The following KCNIP4 variants were observed in gnomAD, a reference collection of about 807,000 sequenced individuals.
The protein encoded by KCNIP4 is Kv channel-interacting protein 4.
KCNIP4 carries 12 observed loss-of-function variants against 34.0 expected under a neutral mutation model. The ratio of observed to expected loss-of-function variants is 0.35; its 90% CI spans 0.23 to 0.57. The LOEUF (loss-of-function observed/expected upper bound fraction) is 0.57. Ranked by LOEUF, KCNIP4 falls within the 20% of genes least tolerant of loss-of-function variation. The pLI is 0.83. For synonymous variants in KCNIP4, 124 were observed against 102.2 expected (o/e 1.21, Z -1.29); for missense variants, 238 against 311.7 (o/e 0.76, Z 1.78).
intron 1 of KCNIP4, among the ~76,000 whole-genome samples, chr4:21,367,247 A>T (rs1165981115): frequency 6.6e-6 from 1 of 152,188 alleles, no homozygotes; most frequent in Non-Finnish European, 1.5e-5. Context: ...GAATAGACTA[A>T]GACAAAATCT....
intron 1 of KCNIP4, among the ~76,000 whole-genome samples, chr4:21,697,176 C>G (rs1259184466): frequency 6.6e-6 from 1 of 151,978 alleles, no homozygotes; most frequent in Non-Finnish European, 1.5e-5. Context: ...CCCAAAAGAG[C>G]TGCACTGCAC....
chr4:21,041,258 A>ACG (rs1741937053), intron 1 of KCNIP4, among the ~76,000 whole-genome samples: 1 of 151,894 alleles, frequency 6.6e-6, no homozygotes, highest in Non-Finnish European at 1.5e-5. Flanking sequence ...ACACACACAC[A>ACG]CACACACGCA....
chr4:20,895,261 T>G (rs1007334358), intron 1 of KCNIP4, among the ~76,000 whole-genome samples: 2 of 152,216 alleles, frequency 1.3e-5, no homozygotes, highest in Non-Finnish European at 2.9e-5. Context: ...CATCTTGTCT[T>G]GAATATAGTC....
Position 21,515,653 on chromosome 4 carries a change from T to C in KCNIP4, c.61+432918A>G, listed in dbSNP as rs1734696531. Among the ~76,000 whole-genome samples, 4 of 151,906 alleles carry C rather than the reference T, an allele frequency of 2.6e-5. 1 individual carries two copies. The South Asian group carries it at 8.3e-4, about 32-fold the overall frequency. ...CTCCGTCTAAAAAAAAGAAAAGAAGTAGGAACTTGAGTAATTAGATCATAA... is the reference window on the plus strand; with the variant it reads ...CTCCGTCTAAAAAAAAGAAAAGAAGCAGGAACTTGAGTAATTAGATCATAA... On this transcript the variant is annotated intron_variant, in intron 1 of 8. Coordinates refer to ENST00000382152, the MANE Select transcript of KCNIP4 (RefSeq NM_025221.6).
chr4:21,761,250 A>G (rs916323061), intron 1 of KCNIP4, among the ~76,000 whole-genome samples: 27 of 151,892 alleles, frequency 1.8e-4, no homozygotes, highest in African/African-American at 6.5e-4. Flanking sequence ...TACAAGACCT[A>G]TCTATAACCT....
At chr4:21,710,216 A>C (rs1713613946) in intron 1 of KCNIP4, among the ~76,000 whole-genome samples, 1 of 152,190 alleles carries the variant, frequency 6.6e-6, no homozygotes, top group Non-Finnish European at 1.5e-5. Context: ...TTGGCTCAGA[A>C]ATCCTCTGTG....
chr4:20,986,678 G>C (rs571219913), intron 1 of KCNIP4, among the ~76,000 whole-genome samples: 1 of 152,270 alleles, frequency 6.6e-6, no homozygotes, highest in South Asian at 2.1e-4. Context: ...TCTATCAGCA[G>C]ATTTCAGCAA....
chr4:21,759,085 C>A (rs2109164388), intron 1 of KCNIP4, among the ~76,000 whole-genome samples: 1 of 152,236 alleles, frequency 6.6e-6, no homozygotes, highest in Admixed American at 6.5e-5. Flanking sequence ...TTACTACTCA[C>A]AGGCTCATAG....
At chr4:21,157,416 T>C (rs542251112) in intron 1 of KCNIP4, among the ~76,000 whole-genome samples, 1 of 152,024 alleles carries the variant, frequency 6.6e-6, no homozygotes, top group African/African-American at 2.4e-5. Flanking sequence ...CTGATCAAGA[T>C]GGAGTAACAG....
chr4:21,130,771 A>C lies in KCNIP4; in HGVS notation c.62-248062T>G, dbSNP rs568468693. On this transcript the variant is annotated intron_variant, in intron 1 of 8. Transcript: ENST00000382152. ...TAGATTTAAAATACTATAGTATATA[A>C]AGTTAAACATATGCATATATTATGA... 2.0e-5 allele frequency among the ~76,000 whole-genome samples: 3 copies of C among 152,292 alleles called. No individual in the cohort carries two copies. In the East Asian group the frequency reaches 5.8e-4, roughly 29 times the overall value.
chr4:21,019,902 T>C (rs1356936392), intron 1 of KCNIP4, among the ~76,000 whole-genome samples: 1 of 152,158 alleles, frequency 6.6e-6, no homozygotes, highest in Non-Finnish European at 1.5e-5. Flanking sequence ...GCTTCATGTT[T>C]ATGATATGAC....
chr4:20,812,313 T>C (rs753136885), intron 3 of KCNIP4, among the ~76,000 whole-genome samples: 3 of 151,936 alleles, frequency 2.0e-5, no homozygotes, highest in Non-Finnish European at 4.4e-5. Context: ...AGAGCAGGAA[T>C]GAGACCAGGA....
At chr4:21,674,819 T>C (rs1014865154) in intron 1 of KCNIP4, among the ~76,000 whole-genome samples, 5 of 152,182 alleles carry the variant, frequency 3.3e-5, no homozygotes, top group African/African-American at 1.2e-4. Context: ...TATTCCTGTG[T>C]GAGTTTTGCC....
At chr4:21,496,807 C>T (rs940876705) in intron 1 of KCNIP4, among the ~76,000 whole-genome samples, 5 of 152,152 alleles carry the variant, frequency 3.3e-5, no homozygotes, top group Admixed American at 6.6e-5. Flanking sequence ...GCTGCACATG[C>T]GAGGGATCTA....
At chr4:21,685,637 C>T (rs932365711) in intron 1 of KCNIP4, among the ~76,000 whole-genome samples, 5 of 151,926 alleles carry the variant, frequency 3.3e-5, no homozygotes, top group African/African-American at 7.3e-5. Flanking sequence ...TTGTCTCTTC[C>T]GAAAATAAAG....
chr4:20,864,012 GTGTGTATGTATACATACA>G (rs1173246623), intron 2 of KCNIP4, among the ~76,000 whole-genome samples: 1 of 142,926 alleles, frequency 7.0e-6, no homozygotes, highest in East Asian at 2.0e-4. Context: ...ACATGTAAAT[GTGTGTATGTATACATACA>G]TATGTATGTA....
chr4:21,463,592 T>C (rs1008002069), intron 1 of KCNIP4, among the ~76,000 whole-genome samples: 1 of 152,038 alleles, frequency 6.6e-6, no homozygotes, highest in South Asian at 2.1e-4. Context: ...CTTTATTCCT[T>C]TTTATTGCCA....
At chr4:20,999,219 G>A (rs1438314626) in intron 1 of KCNIP4, among the ~76,000 whole-genome samples, 2 of 152,120 alleles carry the variant, frequency 1.3e-5, no homozygotes, top group Non-Finnish European at 2.9e-5. Flanking sequence ...AACCTAGAGG[G>A]AGATCATACT....
chr4:21,159,287 A>G (rs555025017), intron 1 of KCNIP4, among the ~76,000 whole-genome samples: 5 of 152,220 alleles, frequency 3.3e-5, no homozygotes, highest in African/African-American at 4.8e-5. Context: ...TGGAATAGAA[A>G]TGGACCCATG....
Sources: gnomAD v4.1 joint callset for allele counts (sites outside exome capture counted in the v4.1 genomes callset) on GRCh38, gnomAD v4.1.1 for gene constraint, MANE v1.5 for transcripts, NCBI Gene and HGNC (gene_info 2026-07-23, HGNC 2026-07-21) for gene names.